The following FGF18 variants were observed in gnomAD, a reference collection of about 807,000 sequenced individuals.
FGF18 encodes fibroblast growth factor 18.
A neutral mutation model predicts 23.0 loss-of-function variants in FGF18; 5 were observed. The ratio of observed to expected loss-of-function variants is 0.22; its 90% CI spans 0.11 to 0.46. The LOEUF is 0.46. Ranked by LOEUF, FGF18 falls within the 20% of genes least tolerant of loss-of-function variation. The probability of loss-of-function intolerance (pLI) is 0.99; values close to 1 mark genes in which losing one functional copy is unlikely to be tolerated. For synonymous variants in FGF18, 117 were observed against 118.9 expected, an observed-to-expected ratio of 0.98 and a Z score of 0.10; for missense variants, 180 against 291.6, an observed-to-expected ratio of 0.62 and a Z score of 2.79.
intron 3 of FGF18, among the ~76,000 whole-genome samples, chr5:171,446,728 C>G (rs1465765228): frequency 6.6e-6 from 1 of 152,096 alleles, no homozygotes; most frequent in East Asian, 1.9e-4. Context: ...GGGTCGAGCC[C>G]CTCCCCCTTG....
At chr5:171,425,607 T>C (rs1219395222) in intron 2 of FGF18, among the ~76,000 whole-genome samples, 1 of 147,204 alleles carries the variant, frequency 6.8e-6, no homozygotes, top group South Asian at 2.1e-4. Flanking sequence ...CTCGGTTCAC[T>C]GTAAGCTCTG....
At chr5:171,445,720 G>C (rs2113356238) in intron 3 of FGF18, among the ~76,000 whole-genome samples, 1 of 152,236 alleles carries the variant, frequency 6.6e-6, no homozygotes, top group South Asian at 2.1e-4. Context: ...AGATGGATGG[G>C]GGTGAGAGTG....
At chr5:171,449,398 TGTGAGAGA>T (rs1297315736) in intron 4 of FGF18, 145 bp downstream of exon 4, 232 of 512,232 alleles carry the variant, frequency 4.5e-4, no homozygotes, top group Middle Eastern at 1.1e-3. Flanking sequence ...TGTGTGTGTG[TGTGAGAGA>T]GAGAGAGAGA....
chr5:171,443,501 ATTTTTTTTTT>A (rs59576538), intron 3 of FGF18, among the ~76,000 whole-genome samples: 5 of 63,776 alleles, frequency 7.8e-5, no homozygotes, highest in Non-Finnish European at 1.1e-4. Flanking sequence ...TGTTATCATC[ATTTTTTTTTT>A]TTTTTTTTTT....
chr5:171,438,274 G>C (rs1240858881), intron 3 of FGF18, among the ~76,000 whole-genome samples: 2 of 151,838 alleles, frequency 1.3e-5, no homozygotes, highest in Non-Finnish European at 2.9e-5. Context: ...GCTAATTTTT[G>C]TATTTTTAAT....
At chr5:171,430,272 C>T (rs1166439591) in intron 2 of FGF18, among the ~76,000 whole-genome samples, 8 of 147,498 alleles carry the variant, frequency 5.4e-5, no homozygotes, top group Non-Finnish European at 1.0e-4. Context: ...GCGGGAGAAT[C>T]ACATGAACCC....
intron 4 of FGF18, among the ~76,000 whole-genome samples, 192 bp downstream of exon 4, chr5:171,449,445 T>C (rs1772466490): frequency 6.7e-6 from 1 of 149,772 alleles, no homozygotes; most frequent in African/African-American, 2.5e-5. Flanking sequence ...AGAGAGAGAC[T>C]GTAATCTCTT....
intron 3 of FGF18, among the ~76,000 whole-genome samples, chr5:171,443,501 A>ATTTTTTTTTTTTTTT (rs59576538): frequency 1.6e-4 from 10 of 63,772 alleles, no homozygotes; most frequent in South Asian, 7.3e-4. Flanking sequence ...TGTTATCATC[A>ATTTTTTTTTTTTTTT]TTTTTTTTTT....
At chr5:171,454,445 C>A (rs549115812) in intron 4 of FGF18, among the ~76,000 whole-genome samples, 11 of 152,338 alleles carry the variant, frequency 7.2e-5, no homozygotes, top group African/African-American at 1.9e-4. Context: ...TGCACACTTA[C>A]CCTGGCTTTC....
At chr5:171,432,786 T>G (rs1317901926) in intron 2 of FGF18, among the ~76,000 whole-genome samples, 2 of 152,222 alleles carry the variant, frequency 1.3e-5, no homozygotes, top group Non-Finnish European at 2.9e-5. Context: ...CACATCCCTC[T>G]GTGGGGCACT....
In FGF18 at chr5:171,457,550, C is replaced by T. The variant is rs1221942209; in HGVS notation, c.*745C>T. 1 of 152,006 alleles carries T rather than the reference C, an allele frequency of 6.6e-6. No homozygotes were observed. Among genetic ancestry groups the T allele is most frequent in the Non-Finnish European group, 1.5e-5 (1 of 68,022 alleles). 9.4% of individuals were successfully genotyped at this position (152,006 alleles called of 1,614,324 possible). A position where few individuals can be genotyped will look rare whatever the true frequency, so the allele number is the denominator to read the frequency against. On this transcript the variant is annotated 3_prime_UTR_variant, in exon 5 of 5. Transcript: ENST00000274625. ...TATATAAGCTATTTATTTCACCTCTCTGTATATTGCAGTTTCATGAACCAA... is the reference window on the plus strand; with the variant it reads ...TATATAAGCTATTTATTTCACCTCTTTGTATATTGCAGTTTCATGAACCAA...
chr5:171,451,697 A>G lies in FGF18; in HGVS notation c.357+2444A>G, dbSNP rs550307213. 4.2e-4 allele frequency among the ~76,000 whole-genome samples: 64 copies of G among 152,144 alleles called. No individual in the cohort carries two copies. Among genetic ancestry groups the G allele is most frequent in the African/African-American group, 1.4e-3 (59 of 41,524 alleles). ...CCTCCCACCTTGCTATGGGACACCG[A>G]AGGCCCTGGGGAGCCTCCCCGGGCA... On this transcript the variant is annotated intron_variant, in intron 4 of 4. Transcript: ENST00000274625. This position sits in a 1 kb window ranked among gnomAD's most constrained non-coding sequence, Gnocchi z 4.5.
intron 3 of FGF18, among the ~76,000 whole-genome samples, chr5:171,447,883 G>A (rs1772441945): frequency 1.3e-5 from 2 of 152,134 alleles, no homozygotes; most frequent in Admixed American, 1.3e-4. Flanking sequence ...GCAGGGGCTA[G>A]GAAGCAAGGG....
At chr5:171,425,295 G>A (rs545858542) in intron 2 of FGF18, among the ~76,000 whole-genome samples, 2 of 152,310 alleles carry the variant, frequency 1.3e-5, no homozygotes, top group African/African-American at 4.8e-5. Flanking sequence ...CCAGGCTGGA[G>A]TGCAATGGTG....
Position 171,436,172 on chromosome 5 carries a change from A to G in FGF18, c.149A>G (p.Lys50Arg), listed in dbSNP as rs1405080420. Residue 50 changes from lysine to arginine, a missense_variant, in exon 3 of 5, where the codon AAG becomes AGG. Transcript: ENST00000274625. This position sits in a 1 kb window ranked among gnomAD's most constrained non-coding sequence, Gnocchi z 4.4. Reference sequence around the variant, plus strand: ...CGGGCTCGGGACGATGTGAGCCGTAAGCAGCTGCGGCTGTACCAGCTCTAC... The same window carrying G: ...CGGGCTCGGGACGATGTGAGCCGTAGGCAGCTGCGGCTGTACCAGCTCTAC... Reference protein sequence around the residue: ...QTRARDDVSRKQLRLYQLYSR... With the variant: ...QTRARDDVSRRQLRLYQLYSR... The G allele has an allele frequency of 1.2e-6, 2 of 1,608,342 alleles. No individual in the cohort carries two copies. The highest frequency in any genetic ancestry group is 2.2e-5 in the South Asian group (2 of 90,332).
At chr5:171,423,726 G>A (rs996421986) in intron 2 of FGF18, among the ~76,000 whole-genome samples, 1 of 150,548 alleles carries the variant, frequency 6.6e-6, no homozygotes, top group Non-Finnish European at 1.5e-5. Context: ...TGGAGACAGT[G>A]TCCTTTGGTG....
chr5:171,445,439 A>G (rs963828082), intron 3 of FGF18, among the ~76,000 whole-genome samples: 3 of 152,022 alleles, frequency 2.0e-5, no homozygotes, highest in African/African-American at 7.3e-5. Flanking sequence ...GCTCACTGCA[A>G]ACTCTGCCTC....
At chr5:171,448,426 T>TCCAGG (rs1772448835) in intron 3 of FGF18, among the ~76,000 whole-genome samples, 1 of 152,182 alleles carries the variant, frequency 6.6e-6, no homozygotes, top group African/African-American at 2.4e-5. Context: ...CCGGGGGCAC[T>TCCAGG]AGCAGGGGCT....
In FGF18 at chr5:171,456,438, A is replaced by G; in HGVS notation, c.358-101A>G. On this transcript the variant is annotated intron_variant, in intron 4 of 4. Coordinates refer to ENST00000274625, the MANE Select transcript of FGF18 (RefSeq NM_003862.3). This position sits in a 1 kb window ranked among gnomAD's most constrained non-coding sequence, Gnocchi z 6.1. ...GCAAAACTTCATTACAGTTGTCCCT[A>G]CAACAATCGCAATGGTCCTGAATAA... 3 of 1,206,592 alleles carry G rather than the reference A, an allele frequency of 2.5e-6. No individual in the cohort carries two copies. The highest frequency in any genetic ancestry group is 3.5e-6 in the Non-Finnish European group (3 of 858,818). The allele number at this position is 1,206,592 out of a possible 1,614,324, so 74.7% of individuals were successfully genotyped here. A position where few individuals can be genotyped will look rare whatever the true frequency, so the allele number is the denominator to read the frequency against.
Sources: gnomAD v4.1 joint callset for allele counts (sites outside exome capture counted in the v4.1 genomes callset) on GRCh38, gnomAD v4.1.1 for gene constraint, Gnocchi (gnomAD v3.1) non-coding constraint, MANE v1.5 for transcripts, NCBI Gene and HGNC (gene_info 2026-07-23, HGNC 2026-07-21) for gene names.